CIB3: variants seen among roughly 807,000 people sequenced by gnomAD.
CIB3 encodes the protein calcium and integrin-binding family member 3.
CIB3 carries 22 observed loss-of-function variants against 23.4 expected under a neutral mutation model. That is an observed-to-expected ratio of 0.94 (90% CI 0.67 to 1.34). CIB3 has a LOEUF of 1.34. CIB3 is among the 40% of genes most tolerant of loss of function. CIB3 has a pLI of 0.00. For missense variants in CIB3, 258 were observed against 247.3 expected (o/e 1.04, Z -0.29); for synonymous variants, 93 against 95.8 (o/e 0.97, Z 0.17).
intron 4 of CIB3, 107 bp downstream of exon 4, chr19:16,168,030 A>G: frequency 7.1e-7 from 1 of 1,406,650 alleles, no homozygotes; most frequent in Non-Finnish European, 9.6e-7. Context: ...AGGGCCACAT[A>G]GGGCCTCAAA....
rs141609376 is a variant in CIB3 at position 16,171,772 on chromosome 19, G to A, written c.86+1390C>T. Reference sequence around the variant, plus strand: ...CAGTTTCCCCATCAGTAATTTGATCGTGATGGCCGAGGTGACCCTGCAAGC... The same window carrying A: ...CAGTTTCCCCATCAGTAATTTGATCATGATGGCCGAGGTGACCCTGCAAGC... On this transcript the variant is annotated intron_variant, in intron 2 of 5. Transcript: ENST00000269878. Among the ~76,000 whole-genome samples, 195 of 152,296 alleles carry A rather than the reference G, an allele frequency of 1.3e-3. 2 individuals are homozygous for A. The highest frequency in any genetic ancestry group is 4.2e-3 in the African/African-American group (173 of 41,582).
intron 4 of CIB3, among the ~76,000 whole-genome samples, chr19:16,166,554 A>G (rs1014169942): frequency 1.7e-4 from 26 of 152,258 alleles, no homozygotes; most frequent in African/African-American, 6.3e-4. Flanking sequence ...CACTGTAATA[A>G]CTTTTTCATT....
In CIB3 at chr19:16,169,618, G is replaced by A. The variant is rs373953465; in HGVS notation, c.198+12C>T. The A allele has an allele frequency of 8.1e-6, 13 of 1,609,522 alleles. No individual in the cohort carries two copies. Among genetic ancestry groups the A allele is most frequent in the Admixed American group, 1.7e-5 (1 of 59,640 alleles). ...TATTTTTTACCCTGTTTGTCCCATG[G>A]CCTGGGCATACCTTCAGCTCGGGCA... On this transcript the variant is annotated intron_variant, in intron 3 of 5. Transcript: ENST00000269878.
At position 16,169,739 on chromosome 19, in the gene CIB3, A is replaced by G. The variant is rs1568338297; in HGVS notation, c.89T>C (p.Leu30Pro). Residue 30 changes from leucine to proline, a missense_variant and splice_region_variant, in exon 3 of 6, where the codon CTC becomes CCC. Transcript: ENST00000269878. ...GGCCAGGTCCTGGTAGCGATAGAAG[A>G]GCCTGATGTGGGGAGGAAAAAGCTG... The part of the protein sequence containing the change: ...TFFTRKEIMR[L>P]FYRYQDLAPQ... The G allele has an allele frequency of 1.2e-6, 2 of 1,603,754 alleles. No individual in the cohort carries two copies. The highest frequency in any genetic ancestry group is 3.5e-5 in the Admixed American group (2 of 57,772).
chr19:16,162,886 C>CTTTTTTTTTTTTTTTTTT (rs373689760), intron 5 of CIB3, among the ~76,000 whole-genome samples: 10 of 102,444 alleles, frequency 9.8e-5, no homozygotes, highest in Admixed American at 2.2e-4. Context: ...CTTTTCTTTT[C>CTTTTTTTTTTTTTTTTTT]TTTTTTTTTT....
chr19:16,162,804 A>G (rs1380644900), intron 5 of CIB3, among the ~76,000 whole-genome samples: 1 of 151,790 alleles, frequency 6.6e-6, no homozygotes, highest in Non-Finnish European at 1.5e-5. Context: ...AAAACAAACA[A>G]AATTAGCCAG....
At chr19:16,171,687 G>T (rs148060602) in intron 2 of CIB3, among the ~76,000 whole-genome samples, 2 of 152,182 alleles carry the variant, frequency 1.3e-5, no homozygotes, top group African/African-American at 4.8e-5. Flanking sequence ...TGTCCTTGGG[G>T]CCTTGGGGCT....
intron 4 of CIB3, among the ~76,000 whole-genome samples, chr19:16,167,175 C>T (rs540814954): frequency 1.1e-3 from 162 of 152,096 alleles, no homozygotes; most frequent in African/African-American, 3.8e-3. Context: ...GAGCTGAGAT[C>T]GCGTCACTGC....
chr19:16,173,139 T>C (rs1233118708), intron 2 of CIB3, 23 bp downstream of exon 2: 2 of 1,613,406 alleles, frequency 1.2e-6, no homozygotes, highest in Non-Finnish European at 1.7e-6. Flanking sequence ...CCAGATCTTC[T>C]CTCCCTTCCT....
In CIB3 at chr19:16,164,737, G is replaced by T; in HGVS notation, c.523C>A (p.Arg175=). ...SLEDFQNMIL[R]APDFLSTFHI... is the part of the protein sequence containing the mutation. ...CATCACCTGAGGAAGTCTGGTGCCC[G>T]GAGGATCATGTTCTGGAAATCTTCC... The change falls in exon 5 of 6, where the codon CGG becomes AGG. Residue 175 remains arginine, a synonymous_variant. Coordinates refer to ENST00000269878, the MANE Select transcript of CIB3 (RefSeq NM_054113.4). 1.9e-6 allele frequency: 3 copies of T among 1,613,926 alleles called. No homozygotes were observed. The highest frequency in any genetic ancestry group is 2.5e-6 in the Non-Finnish European group (3 of 1,179,944).
Position 16,169,740 on chromosome 19 carries a change from G to T in CIB3, c.88C>A (p.Leu30Ile). Residue 30 changes from leucine (L) to isoleucine (I), a missense_variant and splice_region_variant, in exon 3 of 6, where the codon CTC becomes ATC. Coordinates refer to ENST00000269878, the MANE Select transcript of CIB3 (RefSeq NM_054113.4). ...GCCAGGTCCTGGTAGCGATAGAAGA[G>T]CCTGATGTGGGGAGGAAAAAGCTGG... ...TFFTRKEIMR[L>I]FYRYQDLAPQ... is the part of the protein sequence containing the mutation. 1 of 1,602,064 alleles carries T rather than the reference G, an allele frequency of 6.2e-7. No individual in the cohort carries two copies. The highest frequency in any genetic ancestry group is 8.5e-7 in the Non-Finnish European group (1 of 1,174,436).
At chr19:16,169,583 A>G in intron 3 of CIB3, 47 bp downstream of exon 3, 1 of 1,520,088 alleles carries the variant, frequency 6.6e-7, no homozygotes, top group Non-Finnish European at 9.0e-7. Flanking sequence ...GCAACGAGAG[A>G]CATCTCTACT....
At chr19:16,168,871 C>G (rs536981120) in intron 3 of CIB3, among the ~76,000 whole-genome samples, 2 of 152,298 alleles carry the variant, frequency 1.3e-5, no homozygotes, top group South Asian at 4.1e-4. Flanking sequence ...CCATTTTGAT[C>G]CAAACCATTC....
intron 5 of CIB3, among the ~76,000 whole-genome samples, chr19:16,161,923 G>C (rs285229): frequency 0.03 from 4,550 of 151,690 alleles, 235 homozygotes; most frequent in African/African-American, 0.1. Context: ...GTGCTCAAGC[G>C]ATCCACCCAC....
chr19:16,164,822 G>C lies in CIB3; in HGVS notation c.438C>G (p.Ser146Arg), dbSNP rs1374599666. 6.2e-7 allele frequency: 1 copy of C among 1,613,780 alleles called. No individual in the cohort carries two copies. Among genetic ancestry groups the C allele is most frequent in the Non-Finnish European group, 8.5e-7 (1 of 1,180,004 alleles). Residue 146 changes from serine (S) to arginine (R), a missense_variant, in exon 5 of 6, where the codon AGC (serine) becomes AGG (arginine). Transcript: ENST00000269878. ...CATCCAGCACCTTCTCACATACCAG[G>C]CTCACCTCCTCGGCACTCAGCCCCC... ...TRGGLSAEEV[S>R]LVCEKVLDEA...
intron 4 of CIB3, among the ~76,000 whole-genome samples, chr19:16,167,501 G>A (rs2091310641): frequency 6.6e-6 from 1 of 152,078 alleles, no homozygotes; most frequent in Non-Finnish European, 1.5e-5. Flanking sequence ...GATGAATGGG[G>A]AGAGGCCTAC....
intron 5 of CIB3, among the ~76,000 whole-genome samples, chr19:16,163,949 T>C (rs114608789): frequency 0.014 from 2,057 of 152,220 alleles, 59 homozygotes; most frequent in African/African-American, 0.046. Flanking sequence ...ATAATCTTTT[T>C]TTAAATTAAA....
chr19:16,168,094 C>G, intron 4 of CIB3, 43 bp downstream of exon 4: 1 of 1,567,252 alleles, frequency 6.4e-7, no homozygotes, highest in Non-Finnish European at 8.7e-7. Context: ...TCCCACTCCC[C>G]ACCCCATCCC....
At position 16,168,156 on chromosome 19, in the gene CIB3, G is replaced by C; in HGVS notation, c.327C>G (p.Tyr109Ter). 1 of 1,603,768 alleles carries C rather than the reference G, an allele frequency of 6.2e-7. No individual in the cohort carries two copies. The highest frequency in any genetic ancestry group is 8.5e-7 in the Non-Finnish European group (1 of 1,174,276). The change falls in exon 4 of 6, where the codon TAC (tyrosine) becomes TAG (stop). Residue 109 changes from tyrosine to a stop codon, truncating the protein, a stop_gained. Coordinates refer to ENST00000269878, the MANE Select transcript of CIB3 (RefSeq NM_054113.4). LOFTEE classifies it high-confidence loss of function. Reference protein sequence around the residue: ...SEMAPRDLKAYYAFKIYDFNN... With the variant: ...SEMAPRDLKA ...ACGCACCATAAATTTTAAAAGCATA[G>C]TAAGCCTTGAGGTCGCGGGGAGCCA...
Sources: gnomAD v4.1 joint callset for allele counts (sites outside exome capture counted in the v4.1 genomes callset) on GRCh38, gnomAD v4.1.1 for gene constraint, MANE v1.5 for transcripts, NCBI Gene and HGNC (gene_info 2026-07-23, HGNC 2026-07-21) for gene names.